MSL2: variants seen among roughly 807,000 people sequenced by gnomAD.
The protein encoded by MSL2 is E3 ubiquitin-protein ligase MSL2.
MSL2 carries 2 observed loss-of-function variants against 35.8 expected under a neutral mutation model. That is an observed-to-expected ratio of 0.06 (90% confidence interval 0.02 to 0.18). The LOEUF is 0.18. Among genes scored for constraint, MSL2 ranks in the 10% least tolerant of loss-of-function variants. The pLI is 1.00. For missense variants in MSL2, 523 were observed against 706.7 expected (o/e 0.74, Z 2.95); for synonymous variants, 296 against 255.7 (o/e 1.16, Z -1.50).
Position 136,184,763 on chromosome 3 carries a change from G to C in MSL2, c.142+10209C>G, listed in dbSNP as rs1177623486. ...AAAAAAAAAAAAAGGGGGGGGGGGG[G>C]ACAAAGGTCACGTGTGACCAAGGAC... On this transcript the variant is annotated intron_variant, in intron 1 of 1. Coordinates refer to ENST00000309993, the MANE Select transcript of MSL2 (RefSeq NM_018133.4). 8.6e-5 allele frequency among the ~76,000 whole-genome samples: 7 copies of C among 81,224 alleles called. 1 individual carries two copies. Among genetic ancestry groups the C allele is most frequent in the African/African-American group, 2.0e-4 (4 of 19,602 alleles). 53.3% of individuals were successfully genotyped at this position (81,224 alleles called of 152,430 possible).
intron 1 of MSL2, among the ~76,000 whole-genome samples, chr3:136,176,690 G>A (rs1940191843): frequency 6.6e-6 from 1 of 151,674 alleles, no homozygotes; most frequent in African/African-American, 2.4e-5. Flanking sequence ...AAATTAACCA[G>A]GTGTGGTGGC....
intron 1 of MSL2, among the ~76,000 whole-genome samples, chr3:136,160,379 T>A (rs1413180194): frequency 2.9e-3 from 69 of 24,170 alleles, no homozygotes; most frequent in Admixed American, 3.8e-3. Context: ...GGGAGGGAGA[T>A]CAAAAATAAA....
At chr3:136,178,399 T>C (rs1164299105) in intron 1 of MSL2, among the ~76,000 whole-genome samples, 1 of 152,148 alleles carries the variant, frequency 6.6e-6, no homozygotes, top group African/African-American at 2.4e-5. Flanking sequence ...ATTTCCCAAA[T>C]TGGTGTTGCA....
intron 1 of MSL2, among the ~76,000 whole-genome samples, chr3:136,193,577 G>A (rs1940751703): frequency 6.6e-6 from 1 of 150,500 alleles, no homozygotes; most frequent in African/African-American, 2.5e-5. Context: ...AAATATGTGA[G>A]GACATTAAAA....
At chr3:136,189,507 G>A (rs1022012401) in intron 1 of MSL2, among the ~76,000 whole-genome samples, 7 of 148,690 alleles carry the variant, frequency 4.7e-5, no homozygotes, top group Non-Finnish European at 8.9e-5. Context: ...GGCGGATCAC[G>A]AGGTCAGGAG....
chr3:136,159,864 GTGTTC>G (rs1245873622), intron 1 of MSL2, among the ~76,000 whole-genome samples: 1 of 151,974 alleles, frequency 6.6e-6, no homozygotes, highest in African/African-American at 2.4e-5. Context: ...ATTGGCCAAA[GTGTTC>G]TTATACGTGA....
intron 1 of MSL2, chr3:136,155,700 T>G (rs906687374): frequency 2.0e-6 from 1 of 496,314 alleles, no homozygotes; most frequent in Non-Finnish European, 4.1e-6. Context: ...TGGGGGGAAC[T>G]TGTATGCTGG....
rs1576353349 is a variant in MSL2 at position 136,152,747 on chromosome 3, GAGA to G, written c.143-12_143-10del. ...ATCTTGTAGCAAATGTCCTAAGGGG[GAGA>G]AGGAGGAAAGCAAAGATTTTAGTAA... is the stretch of plus-strand genomic sequence containing the variant. On this transcript the variant is annotated splice_polypyrimidine_tract_variant and intron_variant, in intron 1 of 1. Coordinates refer to ENST00000309993, the MANE Select transcript of MSL2 (RefSeq NM_018133.4). 14 of 1,604,946 alleles carry G rather than the reference GAGA, an allele frequency of 8.7e-6. No individual in the cohort carries two copies. The highest frequency in any genetic ancestry group is 2.7e-5 in the African/African-American group (2 of 74,528).
rs2108057558 is a variant in MSL2 at position 136,151,896 on chromosome 3, T to A, written c.985A>T (p.Thr329Ser). ...TSPALHGLSC[T>S]AATPKIAKLN... The stretch of plus-strand genomic sequence containing the variant: ...TTTGCTATCTTCGGAGTTGCTGCTG[T>A]ACATGATAACCCATGAAGTGCAGGA... The change falls in exon 2 of 2, where the codon ACA becomes TCA. Residue 329 changes from threonine (T) to serine (S), a missense_variant. This residue lies in a region of MSL2 where 361 missense variants were observed against 414.6 expected (regional missense o/e 0.87). Transcript: ENST00000309993. The surrounding 1 kb of genome is among the most constrained non-coding windows in gnomAD (Gnocchi z 5.2). 1.9e-6 allele frequency: 3 copies of A among 1,614,218 alleles called. No individual in the cohort carries two copies. The East Asian group carries it at 6.7e-5, about 36-fold the overall frequency.
At chr3:136,185,778 T>C (rs1456850000) in intron 1 of MSL2, among the ~76,000 whole-genome samples, 1 of 152,160 alleles carries the variant, frequency 6.6e-6, no homozygotes, top group Non-Finnish European at 1.5e-5. Context: ...AGTGCTGGGA[T>C]TACAGGCGTG....
At chr3:136,185,162 G>C (rs1337057848) in intron 1 of MSL2, among the ~76,000 whole-genome samples, 1 of 151,950 alleles carries the variant, frequency 6.6e-6, no homozygotes, top group Admixed American at 6.6e-5. Flanking sequence ...TTTTAATAGA[G>C]ACAAGGTTTC....
At chr3:136,190,812 T>G (rs2108097771) in intron 1 of MSL2, among the ~76,000 whole-genome samples, 1 of 152,320 alleles carries the variant, frequency 6.6e-6, no homozygotes, top group East Asian at 1.9e-4. Flanking sequence ...ATTTAGAACA[T>G]GAGCGAGAAA....
intron 1 of MSL2, among the ~76,000 whole-genome samples, chr3:136,185,484 A>C (rs1424731985): frequency 6.7e-6 from 1 of 149,896 alleles, no homozygotes; most frequent in Non-Finnish European, 1.5e-5. Flanking sequence ...AGGAAACTAA[A>C]ACAAGGATGC....
intron 1 of MSL2, among the ~76,000 whole-genome samples, chr3:136,188,680 C>A (rs1576376911): frequency 6.9e-6 from 1 of 145,380 alleles, no homozygotes; most frequent in Non-Finnish European, 1.5e-5. Flanking sequence ...GAGCCCACAT[C>A]GAGCCACTGC....
chr3:136,182,163 G>A (rs572921615), intron 1 of MSL2, among the ~76,000 whole-genome samples: 1 of 152,232 alleles, frequency 6.6e-6, no homozygotes, highest in East Asian at 1.9e-4. Context: ...TGTCCAATAA[G>A]GAAGCCATTA....
At chr3:136,168,612 G>C (rs974600900) in intron 1 of MSL2, among the ~76,000 whole-genome samples, 6 of 152,116 alleles carry the variant, frequency 3.9e-5, no homozygotes, top group African/African-American at 1.4e-4. Flanking sequence ...AGCCTGTTGG[G>C]GGTAGGGAGC....
chr3:136,187,297 T>C (rs925746225), intron 1 of MSL2, among the ~76,000 whole-genome samples: 1 of 152,206 alleles, frequency 6.6e-6, no homozygotes, highest in Admixed American at 6.5e-5. Flanking sequence ...CATTTTATGT[T>C]GTTCCCTTTC....
chr3:136,190,770 A>AT (rs1559974559), intron 1 of MSL2, among the ~76,000 whole-genome samples: 1 of 152,202 alleles, frequency 6.6e-6, no homozygotes, highest in African/African-American at 2.4e-5. Flanking sequence ...AAAGAAAAAA[A>AT]CAATTCTACT....
At position 136,149,811 on chromosome 3, in the gene MSL2, A is replaced by G. The variant is rs570487086; in HGVS notation, c.*1336T>C. 1 of 152,352 alleles carries G rather than the reference A, an allele frequency of 6.6e-6. No individual in the cohort carries two copies. The highest frequency in any genetic ancestry group is 6.5e-5 in the Admixed American group (1 of 15,296). The allele number at this position is 152,352 out of a possible 1,614,324, so 9.4% of individuals were successfully genotyped here. ...ACTTCAGCATATGTCAGATCTTACTAGAGATGGTGAACGTAGTAGAAATTG... is the reference window on the plus strand; with the variant it reads ...ACTTCAGCATATGTCAGATCTTACTGGAGATGGTGAACGTAGTAGAAATTG... On this transcript the variant is annotated 3_prime_UTR_variant, in exon 2 of 2. Transcript: ENST00000309993.
Sources: gnomAD v4.1 joint callset for allele counts (sites outside exome capture counted in the v4.1 genomes callset) on GRCh38, gnomAD v4.1.1 for gene constraint, gnomAD v4.1.1 regional missense constraint, Gnocchi (gnomAD v3.1) non-coding constraint, MANE v1.5 for transcripts, NCBI Gene and HGNC (gene_info 2026-07-23, HGNC 2026-07-21) for gene names.